SLC25A36: variants seen among roughly 807,000 people sequenced by gnomAD.
SLC25A36 encodes solute carrier family 25 member 36.
In SLC25A36, 24 loss-of-function variants were observed where a neutral mutation model predicts 35.3. The observed-to-expected ratio is 0.68, with a 90% confidence interval of 0.49 to 0.96. The LOEUF is 0.96. SLC25A36 is among the 40% of genes least tolerant of loss of function. SLC25A36 has a pLI of 0.00. For synonymous variants in SLC25A36, 141 were observed against 132.2 expected, an observed-to-expected ratio of 1.07 and a Z score of -0.46; for missense variants, 294 against 381.1, an observed-to-expected ratio of 0.77 and a Z score of 1.90.
chr3:140,956,383 C>T (rs2107793007), intron 1 of SLC25A36, 144 bp from the exon 2 acceptor site: 1 of 1,015,036 alleles, frequency 9.9e-7, no homozygotes, highest in South Asian at 3.4e-5. Flanking sequence ...TCTTAAAAAT[C>T]AGTTTAGTCA....
chr3:140,956,496 A>G, intron 1 of SLC25A36, 31 bp from the exon 2 acceptor site: 1 of 1,539,768 alleles, frequency 6.5e-7, no homozygotes, highest in Non-Finnish European at 8.7e-7. Flanking sequence ...TTAAGTAGAT[A>G]AGCTGTGTTC....
At chr3:140,945,238 G>A (rs1338443634) in intron 1 of SLC25A36, among the ~76,000 whole-genome samples, 2 of 152,114 alleles carry the variant, frequency 1.3e-5, no homozygotes, top group East Asian at 1.9e-4. Flanking sequence ...CAAATGTCAG[G>A]GCTACAATCT....
chr3:140,950,924 G>GTC (rs956984377), intron 1 of SLC25A36, among the ~76,000 whole-genome samples: 4 of 151,678 alleles, frequency 2.6e-5, no homozygotes, highest in Non-Finnish European at 4.4e-5. Flanking sequence ...GTGTCTGTGT[G>GTC]TGTGTGTGTG....
At chr3:140,961,936 T>C (rs978372831) in intron 3 of SLC25A36, among the ~76,000 whole-genome samples, 5 of 150,000 alleles carry the variant, frequency 3.3e-5, no homozygotes, top group Admixed American at 6.6e-5. Flanking sequence ...TGCTGGCTAC[T>C]GTCCATCTTT....
intron 3 of SLC25A36, 144 bp from the exon 4 acceptor site, chr3:140,962,983 A>G: frequency 2.2e-6 from 1 of 454,526 alleles, no homozygotes; most frequent in South Asian, 4.5e-5. Flanking sequence ...ATTTATGAAA[A>G]GTGTAAATCT....
In SLC25A36 at chr3:140,979,601, A is replaced by C. The variant is rs1935138252; in HGVS notation, c.*3148A>C. 6.6e-6 allele frequency: 1 copy of C among 152,138 alleles called. No individual in the cohort carries two copies. The highest frequency in any genetic ancestry group is 6.6e-5 in the Admixed American group (1 of 15,266). The allele number at this position is 152,138 out of a possible 1,614,324, so 9.4% of individuals were successfully genotyped here. The stretch of plus-strand genomic sequence containing the variant: ...AATACAATGTACAAACTTTCTGCCC[A>C]CTCAGATCTCTTCTCCATCATGTAC... On this transcript the variant is annotated 3_prime_UTR_variant, in exon 7 of 7. Coordinates refer to ENST00000324194, the MANE Select transcript of SLC25A36 (RefSeq NM_001104647.3).
chr3:140,970,283 T>G (rs1207333728), intron 4 of SLC25A36: 1 of 152,020 alleles, frequency 6.6e-6, no homozygotes, highest in Non-Finnish European at 1.5e-5. Context: ...TGTGACTTTT[T>G]GAACTTTTGA....
rs371091184 is a variant in SLC25A36, at chr3:140,976,423, T to C, written c.906T>C (p.Tyr302=). 3 of 1,613,146 alleles carry C rather than the reference T, an allele frequency of 1.9e-6. No individual in the cohort carries two copies. The East Asian group carries it at 6.7e-5, about 36-fold the overall frequency. The part of the protein sequence containing the change: ...IPNTAIMMAT[Y]ELVVYLLNG ...ACACAGCCATTATGATGGCCACCTA[T>C]GAATTGGTGGTTTACCTACTCAATG... Residue 302 remains tyrosine (Y), a synonymous_variant, in exon 7 of 7, where the codon TAT becomes TAC. Transcript: ENST00000324194.
chr3:140,967,073 T>C (rs1934777370), intron 4 of SLC25A36: 4 of 455,258 alleles, frequency 8.8e-6, no homozygotes, highest in South Asian at 4.7e-5. Flanking sequence ...CAGCCTGTAG[T>C]ATAAGAAACC....
chr3:140,942,051 G>C lies in SLC25A36; in HGVS notation c.-4G>C, dbSNP rs754355026. The C allele has an allele frequency of 6.7e-7, 1 of 1,486,018 alleles. No homozygotes were observed. Among genetic ancestry groups the C allele is most frequent in the Non-Finnish European group, 9.1e-7 (1 of 1,100,520 alleles). The allele number at this position is 1,486,018 out of a possible 1,614,324, so 92.1% of individuals were successfully genotyped here. A position where few individuals can be genotyped will look rare whatever the true frequency, so the allele number is the denominator to read the frequency against. On this transcript the variant is annotated 5_prime_UTR_variant, in exon 1 of 7. Transcript: ENST00000324194. ...CAGCGGCCGGAGGACATGCGGGAGA[G>C]AGAATGAGCCAGAGGGACACGCTGG...
At chr3:140,948,929 T>A (rs1260260033) in intron 1 of SLC25A36, among the ~76,000 whole-genome samples, 1 of 152,216 alleles carries the variant, frequency 6.6e-6, no homozygotes, top group African/African-American at 2.4e-5. Context: ...ATTCACTTAG[T>A]GAACAATTTC....
intron 1 of SLC25A36, among the ~76,000 whole-genome samples, chr3:140,942,958 A>T (rs1256871626): frequency 6.6e-6 from 1 of 152,090 alleles, no homozygotes; most frequent in Non-Finnish European, 1.5e-5. Flanking sequence ...GAGTGGAGAG[A>T]GGTCAGATTT....
intron 4 of SLC25A36, chr3:140,964,208 A>G (rs1233741819): frequency 6.6e-6 from 1 of 151,994 alleles, no homozygotes; most frequent in African/African-American, 2.4e-5. Context: ...TTCATGAAGT[A>G]AGTAAGTTTG....
chr3:140,969,412 G>A lies in SLC25A36; in HGVS notation c.386-1515G>A, dbSNP rs541093313. Among the ~76,000 whole-genome samples the A allele has an allele frequency of 3.9e-4, 59 of 151,878 alleles. 2 individuals are homozygous for A. The South Asian group carries it at 0.012, about 30-fold the overall frequency. On this transcript the variant is annotated intron_variant, in intron 4 of 6. Coordinates refer to ENST00000324194, the MANE Select transcript of SLC25A36 (RefSeq NM_001104647.3). Reference sequence around the variant, plus strand: ...GTCTAAAACTGTTGGTCCCATTCTAGTTTTATACTTACATATGTAGTATTA... The same window carrying A: ...GTCTAAAACTGTTGGTCCCATTCTAATTTTATACTTACATATGTAGTATTA...
intron 2 of SLC25A36, 170 bp downstream of exon 2, chr3:140,956,861 G>A: frequency 9.1e-7 from 1 of 1,097,608 alleles, no homozygotes; most frequent in Non-Finnish European, 1.2e-6. Flanking sequence ...GAGAAGAACA[G>A]TTAGACAGAT....
chr3:140,958,625 TGATA>T (rs1934541572), intron 2 of SLC25A36, among the ~76,000 whole-genome samples: 1 of 151,986 alleles, frequency 6.6e-6, no homozygotes, highest in Non-Finnish European at 1.5e-5. Context: ...GACATTAGGG[TGATA>T]GATTCTGCTA....
At chr3:140,968,769 T>C (rs1042812907) in intron 4 of SLC25A36, 1 of 915,766 alleles carries the variant, frequency 1.1e-6, no homozygotes. Flanking sequence ...GTAGAACTTT[T>C]ATTTAAAAAA....
chr3:140,963,801 CT>C (rs1355227072), intron 4 of SLC25A36: 1 of 152,280 alleles, frequency 6.6e-6, no homozygotes, highest in Non-Finnish European at 1.5e-5. Flanking sequence ...TGTGTACATG[CT>C]TACTATAGAA....
At chr3:140,972,304 G>T (rs1394484752) in intron 5 of SLC25A36, among the ~76,000 whole-genome samples, 1 of 152,138 alleles carries the variant, frequency 6.6e-6, no homozygotes. Flanking sequence ...TCTTAGGCTT[G>T]TGGGGTTGGG....
Sources: allele counts gnomAD v4.1 joint callset (sites outside exome capture counted in the v4.1 genomes callset), GRCh38; gene constraint gnomAD v4.1.1; transcripts MANE v1.5; gene names NCBI Gene and HGNC (gene_info 2026-07-23, HGNC 2026-07-21).